The following ZFP82 variants were observed in gnomAD, a reference collection of about 807,000 sequenced individuals.
ZFP82 encodes the protein ZFP82 zinc finger protein.
Under a neutral mutation model 54.0 loss-of-function variants are expected in ZFP82, and 30 were observed. The ratio of observed to expected loss-of-function variants is 0.56; its 90% confidence interval spans 0.42 to 0.75. The LOEUF is 0.75. ZFP82 is among the 30% of genes least tolerant of loss of function. ZFP82 has a pLI of 0.00. For synonymous variants in ZFP82, 194 were observed against 209.5 expected (o/e 0.93, Z 0.64); for missense variants, 500 against 636.8 (o/e 0.79, Z 2.31).
intron 4 of ZFP82, among the ~76,000 whole-genome samples, chr19:36,404,092 T>C (rs2057011573): frequency 6.6e-6 from 1 of 152,194 alleles, no homozygotes; most frequent in Admixed American, 6.5e-5. Context: ...GTAAATTTCG[T>C]GGGGATGGAA....
At chr19:36,411,065 C>T (rs1204110701) in intron 1 of ZFP82, among the ~76,000 whole-genome samples, 3 of 151,794 alleles carry the variant, frequency 2.0e-5, no homozygotes, top group Non-Finnish European at 2.9e-5. Flanking sequence ...TGGTGGCAGA[C>T]GCCTATAATC....
Position 36,409,804 on chromosome 19 carries a change from A to G in ZFP82, c.-15T>C, listed in dbSNP as rs2145596886. 1 of 1,613,952 alleles carries G rather than the reference A, an allele frequency of 6.2e-7. No homozygotes were observed. The highest frequency in any genetic ancestry group is 1.1e-5 in the South Asian group (1 of 91,074). Reference sequence around the variant, plus strand: ...ACAAGGGCCATGGTATAGAAATTCAAGAACTGGTCAGTCCTCCTTGGGGTT... The same window carrying G: ...ACAAGGGCCATGGTATAGAAATTCAGGAACTGGTCAGTCCTCCTTGGGGTT... On this transcript the variant is annotated 5_prime_UTR_variant, in exon 2 of 5. Transcript: ENST00000392161.
At chr19:36,406,133 T>A (rs889794380) in intron 3 of ZFP82, among the ~76,000 whole-genome samples, 6 of 152,232 alleles carry the variant, frequency 3.9e-5, no homozygotes, top group Admixed American at 1.3e-4. Flanking sequence ...TCATTAGCTA[T>A]TGGTTATTGT....
rs1192420227 is a variant in ZFP82, at chr19:36,412,882, T to C, written c.-78-3015A>G. 2.0e-5 allele frequency among the ~76,000 whole-genome samples: 3 copies of C among 152,176 alleles called. No homozygotes were observed. The South Asian group carries it at 6.2e-4, about 31-fold the overall frequency. On this transcript the variant is annotated intron_variant, in intron 1 of 4. Transcript: ENST00000392161. ...TTCTTCAATGACTTTACCTCACCTA[T>C]CTCAGTGTTATTCTTGCATAGGCTT...
At chr19:36,417,491 C>G (rs1178094650) in intron 1 of ZFP82, among the ~76,000 whole-genome samples, 1 of 152,104 alleles carries the variant, frequency 6.6e-6, no homozygotes, top group Non-Finnish European at 1.5e-5. Flanking sequence ...GCAGAAACAC[C>G]CACTCGCCTC....
rs2032205635 is a variant in ZFP82 at position 36,391,922 on chromosome 19, AAAAT to A, written c.*815_*818del. ...CACAGCCTTTAGTATGAATTATGTA[AAAAT>A]AAATATTTAGTATGATAATAAAAGA... On this transcript the variant is annotated 3_prime_UTR_variant, in exon 5 of 5. Transcript: ENST00000392161. 6.6e-6 allele frequency: 1 copy of A among 152,200 alleles called. No individual in the cohort carries two copies. Among genetic ancestry groups the A allele is most frequent in the African/African-American group, 2.4e-5 (1 of 41,446 alleles). 9.4% of individuals were successfully genotyped at this position (152,200 alleles called of 1,614,324 possible).
downstream of ZFP82, among the ~76,000 whole-genome samples, chr19:36,387,924 T>C (rs778707833): frequency 2.6e-5 from 4 of 152,228 alleles, no homozygotes; most frequent in African/African-American, 4.8e-5. Context: ...AGTATTCTTT[T>C]ATAGGAACAC....
intron 1 of ZFP82, among the ~76,000 whole-genome samples, chr19:36,417,595 C>G (rs966221302): frequency 2.0e-5 from 3 of 152,180 alleles, no homozygotes; most frequent in Non-Finnish European, 4.4e-5. Flanking sequence ...ATAAGGGAAC[C>G]AGGCTTTTCT....
chr19:36,413,099 T>C (rs1225857861), intron 1 of ZFP82, among the ~76,000 whole-genome samples: 2 of 152,212 alleles, frequency 1.3e-5, no homozygotes. Flanking sequence ...CAAAGATGTA[T>C]TGCAAGAGAG....
downstream of ZFP82, chr19:36,383,675 G>A (rs1568479380): frequency 6.6e-6 from 1 of 152,018 alleles, no homozygotes; most frequent in African/African-American, 2.4e-5. Flanking sequence ...CAAGAGTCTA[G>A]TAAAAAATAA....
At position 36,392,952 on chromosome 19, in the gene ZFP82, T is replaced by G; in HGVS notation, c.1388A>C (p.Gln463Pro). The G allele has an allele frequency of 1.2e-6, 2 of 1,613,992 alleles. No homozygotes were observed. The highest frequency in any genetic ancestry group is 1.1e-5 in the South Asian group (1 of 91,058). ...AATGCTCTGATGTAGAGTAAGTTTT[T>G]GGCGCAATCTAAAGGCCTTGCCACA... ...KECGKAFRLRQKLTLHQSIHT... is the reference protein window; with the variant it reads ...KECGKAFRLRPKLTLHQSIHT... The change falls in exon 5 of 5, where the codon CAA becomes CCA. Residue 463 changes from glutamine to proline, a missense_variant. Coordinates refer to ENST00000392161, the MANE Select transcript of ZFP82 (RefSeq NM_133466.4).
At chr19:36,407,460 A>C (rs1033202700) in intron 3 of ZFP82, among the ~76,000 whole-genome samples, 1 of 152,202 alleles carries the variant, frequency 6.6e-6, no homozygotes, top group Non-Finnish European at 1.5e-5. Flanking sequence ...TTGAATTGTA[A>C]ATACATGCTG....
At chr19:36,416,760 A>C (rs2032677746) in intron 1 of ZFP82, among the ~76,000 whole-genome samples, 1 of 148,618 alleles carries the variant, frequency 6.7e-6, no homozygotes, top group Non-Finnish European at 1.5e-5. Flanking sequence ...CCGTCTCAAA[A>C]AAAAAAAAAA....
At chr19:36,411,192 T>TAA (rs10640750) in intron 1 of ZFP82, among the ~76,000 whole-genome samples, 92,931 of 145,906 alleles carry the variant, frequency 0.64, 29,272 homozygotes, top group Admixed American at 0.68. Context: ...AGACTCCATC[T>TAA]AAAAAAAAAA....
chr19:36,390,432 G>A lies in ZFP82; in HGVS notation c.*2309C>T, dbSNP rs531833647. The A allele has an allele frequency of 7.6e-6, 1 of 131,856 alleles. No homozygotes were observed. Among genetic ancestry groups the A allele is most frequent in the Non-Finnish European group, 1.6e-5 (1 of 62,372 alleles). The allele number at this position is 131,856 out of a possible 1,614,324, so 8.2% of individuals were successfully genotyped here. ...ATTTGGTTGTTTGCTTCTTTGTGTT[G>A]TTAATTTGTTCTTTTATTCCCCATG... On this transcript the variant is annotated 3_prime_UTR_variant, in exon 5 of 5. Transcript: ENST00000392161.
intron 4 of ZFP82, 112 bp from the exon 5 acceptor site, chr19:36,394,222 A>T (rs2032257723): frequency 1.0e-6 from 1 of 997,276 alleles, no homozygotes. Context: ...AAACTCTAAA[A>T]TATTGTTATA....
At position 36,390,329 on chromosome 19, in the gene ZFP82, G is replaced by GCCTTTTTTTTTTTTTTTTT. The variant is rs373296227; in HGVS notation, c.*2411_*2412insAAAAAAAAAAAAAAAAAGG. On this transcript the variant is annotated 3_prime_UTR_variant, in exon 5 of 5. Coordinates refer to ENST00000392161, the MANE Select transcript of ZFP82 (RefSeq NM_133466.4). Reference sequence around the variant, plus strand: ...CTTTAAAGTGTAGGATTCCATTTTTGTCTTTTTTTTTTTTTTTTTTGACAT... The same window carrying GCCTTTTTTTTTTTTTTTTT: ...CTTTAAAGTGTAGGATTCCATTTTTGCCTTTTTTTTTTTTTTTTTTCTTTTTTTTTTTTTTTTTTGACAT... 5.0e-5 allele frequency: 6 copies of GCCTTTTTTTTTTTTTTTTT among 120,376 alleles called. 2 individuals carry two copies. The allele number at this position is 120,376 out of a possible 1,614,324, so 7.5% of individuals were successfully genotyped here.
At chr19:36,415,353 G>GA (rs2032651994) in intron 1 of ZFP82, among the ~76,000 whole-genome samples, 1 of 152,076 alleles carries the variant, frequency 6.6e-6, no homozygotes, top group South Asian at 2.1e-4. Context: ...AATCTGTTCT[G>GA]AATAGTACTA....
Position 36,392,606 on chromosome 19 carries a change from T to C in ZFP82, c.*135A>G. 1.4e-6 allele frequency: 1 copy of C among 704,230 alleles called. No homozygotes were observed. 43.6% of individuals were successfully genotyped at this position (704,230 alleles called of 1,614,324 possible). The stretch of plus-strand genomic sequence containing the variant: ...CTGAAGTTTCAGGTTTGAGTGATGA[T>C]GGACTACAATACATTGTCACACTCT... On this transcript the variant is annotated 3_prime_UTR_variant, in exon 5 of 5. Coordinates refer to ENST00000392161, the MANE Select transcript of ZFP82 (RefSeq NM_133466.4).
Sources: gnomAD v4.1 joint callset for allele counts (sites outside exome capture counted in the v4.1 genomes callset) on GRCh38, gnomAD v4.1.1 for gene constraint, MANE v1.5 for transcripts, NCBI Gene and HGNC (gene_info 2026-07-23, HGNC 2026-07-21) for gene names.